The following CROCC2 variants were observed in gnomAD, a reference collection of about 807,000 sequenced individuals.
CROCC2 encodes ciliary rootlet coiled-coil protein 2.
CROCC2 carries 163 observed loss-of-function variants against 177.6 expected under a neutral mutation model. The observed-to-expected ratio is 0.92, with a 90% confidence interval of 0.81 to 1.05. CROCC2 has a LOEUF of 1.05. Among genes scored for constraint, CROCC2 ranks in the 50% least tolerant of loss-of-function variants. The pLI, the probability that CROCC2 is intolerant of heterozygous loss-of-function variation, is 0.00. For synonymous variants in CROCC2, 904 were observed against 787.3 expected (o/e 1.15, Z -2.48); for missense variants, 1,929 against 1,797.8 (o/e 1.07, Z -1.32).
At chr2:240,948,676 G>A (rs1449600688) in intron 15 of CROCC2, among the ~76,000 whole-genome samples, 2 of 152,180 alleles carry the variant, frequency 1.3e-5, no homozygotes, top group Non-Finnish European at 2.9e-5. Context: ...CTGAACAGTG[G>A]CATCTCCATG....
At chr2:240,956,052 C>A in intron 19 of CROCC2, 80 bp downstream of exon 19, 2 of 1,026,168 alleles carry the variant, frequency 1.9e-6, no homozygotes, top group Admixed American at 2.0e-5. Context: ...CCTGCCTGGT[C>A]CCAGTGGCAT....
chr2:240,952,315 CAA>C (rs71049540), intron 18 of CROCC2, among the ~76,000 whole-genome samples: 64 of 113,500 alleles, frequency 5.6e-4, no homozygotes, highest in African/African-American at 1.6e-3. Flanking sequence ...TACTCCTTCT[CAA>C]AAAAAAAAAA....
intron 14 of CROCC2, among the ~76,000 whole-genome samples, chr2:240,944,784 T>A (rs80177887): frequency 0.028 from 4,293 of 152,268 alleles, 145 homozygotes; most frequent in East Asian, 0.16. Context: ...TATTTTCTGT[T>A]CTTATTAGTG....
intron 7 of CROCC2, among the ~76,000 whole-genome samples, 155 bp downstream of exon 7, chr2:240,931,283 C>T (rs1366057001): frequency 6.6e-6 from 1 of 152,190 alleles, no homozygotes; most frequent in African/African-American, 2.4e-5. Context: ...TTCAGAGTCA[C>T]CATCCCAGTG....
chr2:240,938,544 C>T (rs564911473), intron 14 of CROCC2, among the ~76,000 whole-genome samples: 6 of 152,340 alleles, frequency 3.9e-5, no homozygotes, highest in African/African-American at 1.4e-4. Flanking sequence ...TGTTCTAAAT[C>T]CTTTGCATAT....
chr2:240,930,210 GT>G lies in CROCC2; in HGVS notation c.691del (p.Trp231GlyfsTer16), dbSNP rs1559593952. The G allele has an allele frequency of 1.7e-6, 1 of 597,462 alleles. No individual in the cohort carries two copies. Among genetic ancestry groups the G allele is most frequent in the South Asian group, 2.1e-5 (1 of 47,452 alleles). 37.0% of individuals were successfully genotyped at this position (597,462 alleles called of 1,614,324 possible). ...GGCAGCCCCGGGACCTCCTCCTCCTGTGGAGACAGGCCGTGGTGCTGGGGAC... is the reference window on the plus strand; with the variant it reads ...GGCAGCCCCGGGACCTCCTCCTCCTGGGAGACAGGCCGTGGTGCTGGGGAC... ...LGQPRDLLLL[W>X]RQAVVLGTDL... On this transcript the variant is annotated frameshift_variant, in exon 6 of 32. Transcript: ENST00000690015. LOFTEE classifies it high-confidence loss of function.
chr2:240,925,228 C>T (rs1172917007), intron 4 of CROCC2, among the ~76,000 whole-genome samples: 1 of 152,230 alleles, frequency 6.6e-6, no homozygotes, highest in African/African-American at 2.4e-5. Context: ...GGGGTGCCGG[C>T]TCCCGAGGTC....
At chr2:240,983,177 C>A in intron 28 of CROCC2, 148 bp downstream of exon 28, 1 of 911,430 alleles carries the variant, frequency 1.1e-6, no homozygotes, top group Non-Finnish European at 1.6e-6. Flanking sequence ...AGCAGGCCTG[C>A]AGAGACCCAG....
intron 14 of CROCC2, among the ~76,000 whole-genome samples, chr2:240,945,535 C>A (rs1240341926): frequency 6.6e-6 from 1 of 152,124 alleles, no homozygotes; most frequent in East Asian, 1.9e-4. Context: ...TGAGCAAATG[C>A]CTTGAGGAAG....
At chr2:240,993,001 C>A in intron 31 of CROCC2, 65 bp from the exon 32 acceptor site, 1 of 709,672 alleles carries the variant, frequency 1.4e-6, no homozygotes, top group South Asian at 1.5e-5. Context: ...CAGCCCCCGG[C>A]AGCAGGAGCC....
Position 240,933,127 on chromosome 2 carries a change from G to T in CROCC2, c.1252-4G>T, listed in dbSNP as rs1483244663. The stretch of plus-strand genomic sequence containing the variant: ...GAGGCCCACAACTTACCCCACCCGA[G>T]CAGGAGCTGTGCCTGCAGCTGAAGT... On this transcript the variant is annotated splice_region_variant and splice_polypyrimidine_tract_variant and intron_variant, in intron 9 of 31. Coordinates refer to ENST00000690015, the MANE Select transcript of CROCC2 (RefSeq NM_001351305.2). 1.3e-6 allele frequency: 2 copies of T among 1,550,158 alleles called. No homozygotes were observed. Among genetic ancestry groups the T allele is most frequent in the African/African-American group, 2.7e-5 (2 of 73,184 alleles).
intron 15 of CROCC2, among the ~76,000 whole-genome samples, chr2:240,947,614 G>T (rs906496048): frequency 1.3e-5 from 2 of 152,228 alleles, no homozygotes; most frequent in African/African-American, 4.8e-5. Context: ...TGCCATTGAT[G>T]AGCTCGCAGG....
In CROCC2 at chr2:240,909,936, C is replaced by G. The variant is rs541695770; in HGVS notation, c.78+3345C>G. On this transcript the variant is annotated intron_variant, in intron 1 of 31. Coordinates refer to ENST00000690015, the MANE Select transcript of CROCC2 (RefSeq NM_001351305.2). ...TGAGGAAGGCCGTGGCTTGAGGATG[C>G]AGGAGGCCCCCTGTGACCAGGGGTG... 3.9e-5 allele frequency among the ~76,000 whole-genome samples: 6 copies of G among 152,282 alleles called. 1 individual carries two copies. Among genetic ancestry groups the G allele is most frequent in the Admixed American group, 3.9e-4 (6 of 15,300 alleles).
intron 18 of CROCC2, among the ~76,000 whole-genome samples, chr2:240,951,860 C>A (rs2059558576): frequency 6.6e-6 from 1 of 152,200 alleles, no homozygotes; most frequent in Non-Finnish European, 1.5e-5. Context: ...ACACAACTAC[C>A]AGCCACACAT....
chr2:240,955,742 C>T (rs1559603386), intron 18 of CROCC2, 117 bp from the exon 19 acceptor site: 3 of 657,828 alleles, frequency 4.6e-6, no homozygotes, highest in Non-Finnish European at 7.9e-6. Flanking sequence ...CATGAACGTG[C>T]TGTGTCCAGG....
chr2:240,911,738 A>G lies in CROCC2; in HGVS notation c.78+5147A>G, dbSNP rs567443152. Among the ~76,000 whole-genome samples the G allele has an allele frequency of 4.0e-5, 6 of 151,672 alleles. No individual in the cohort carries two copies. In the East Asian group the frequency reaches 9.7e-4, roughly 25 times the overall value. The stretch of plus-strand genomic sequence containing the variant: ...TAGCAGCCTTGTCTAAGTGGATCAG[A>G]TGGTATTTGTCCCTTCGTGGCGGGC... On this transcript the variant is annotated intron_variant, in intron 1 of 31. Coordinates refer to ENST00000690015, the MANE Select transcript of CROCC2 (RefSeq NM_001351305.2).
At chr2:240,931,604 G>A (rs1026060642) in intron 7 of CROCC2, among the ~76,000 whole-genome samples, 2 of 152,214 alleles carry the variant, frequency 1.3e-5, no homozygotes, top group Admixed American at 6.5e-5. Flanking sequence ...CACCCACATC[G>A]GGGGCTCAGA....
rs2059456964 is a variant in CROCC2, at chr2:240,934,777, G to A, written c.1792-139G>A. ...CCATTGGCCCTGAGACCTCCCCACT[G>A]TGGCGACCTTCCCACCATGTCCGCC... On this transcript the variant is annotated intron_variant, in intron 12 of 31. Coordinates refer to ENST00000690015, the MANE Select transcript of CROCC2 (RefSeq NM_001351305.2). 5.2e-6 allele frequency: 5 copies of A among 953,884 alleles called. No individual in the cohort carries two copies. In the South Asian group the frequency reaches 8.4e-5, roughly 16 times the overall value. The allele number at this position is 953,884 out of a possible 1,614,324, so 59.1% of individuals were successfully genotyped here.
intron 5 of CROCC2, chr2:240,929,570 T>G: frequency 4.6e-6 from 2 of 431,160 alleles, no homozygotes; most frequent in Admixed American, 2.5e-5. Context: ...TTGTCTCGGT[T>G]GTGGCTTCCC....
Sources: allele counts gnomAD v4.1 joint callset (sites outside exome capture counted in the v4.1 genomes callset), GRCh38; gene constraint gnomAD v4.1.1; transcripts MANE v1.5; gene names NCBI Gene and HGNC (gene_info 2026-07-23, HGNC 2026-07-21).